Variants in ARHGAP24 observed in about 807,000 individuals in gnomAD.
The protein encoded by ARHGAP24 is Rho GTPase activating protein 24.
ARHGAP24 carries 50 observed loss-of-function variants against 76.4 expected under a neutral mutation model. The observed-to-expected ratio is 0.65, with a 90% confidence interval of 0.52 to 0.83. ARHGAP24 has a LOEUF of 0.83. Ranked by LOEUF, ARHGAP24 falls within the 40% of genes least tolerant of loss-of-function variation. The pLI, the probability that ARHGAP24 is intolerant of heterozygous loss-of-function variation, is 0.00. For missense variants in ARHGAP24, 930 were observed against 914.2 expected (o/e 1.02, Z -0.22); for synonymous variants, 345 against 323.3 (o/e 1.07, Z -0.72).
intron 1 of ARHGAP24, among the ~76,000 whole-genome samples, chr4:85,555,224 GT>G (rs761898265): frequency 7.9e-5 from 12 of 152,164 alleles, no homozygotes; most frequent in Non-Finnish European, 1.6e-4. Flanking sequence ...CAGAGTTCTT[GT>G]GCTGGTTCTT....
chr4:85,578,665 A>G (rs1256938992), intron 2 of ARHGAP24, among the ~76,000 whole-genome samples: 1 of 152,204 alleles, frequency 6.6e-6, no homozygotes, highest in Non-Finnish European at 1.5e-5. Flanking sequence ...GTTGTTAACA[A>G]TACATGAAAT....
intron 1 of ARHGAP24, among the ~76,000 whole-genome samples, chr4:85,562,022 G>A (rs1181734136): frequency 6.6e-6 from 1 of 152,294 alleles, no homozygotes; most frequent in Non-Finnish European, 1.5e-5. Context: ...GAATTGAATG[G>A]TGAGAAATTA....
intron 3 of ARHGAP24, among the ~76,000 whole-genome samples, chr4:85,738,095 A>G (rs1344008035): frequency 4.0e-5 from 6 of 151,860 alleles, no homozygotes; most frequent in Admixed American, 2.0e-4. Context: ...TAATTTTTGT[A>G]TTTTTAGTAG....
intron 2 of ARHGAP24, among the ~76,000 whole-genome samples, chr4:85,612,298 T>A (rs1005051537): frequency 6.8e-6 from 1 of 146,810 alleles, no homozygotes; most frequent in African/African-American, 2.4e-5. Context: ...GCGCCTGTAG[T>A]CCCAGCTACT....
intron 4 of ARHGAP24, chr4:85,930,973 T>G (rs770873001): frequency 2.5e-6 from 4 of 1,613,556 alleles, no homozygotes; most frequent in Middle Eastern, 1.6e-4. Context: ...GGCTGGTGCC[T>G]TAGCCTCAAC....
At chr4:85,626,827 T>C in intron 2 of ARHGAP24, among the ~76,000 whole-genome samples, 1 of 152,268 alleles carries the variant, frequency 6.6e-6, no homozygotes. Context: ...TCATTCTTTT[T>C]GTCTTCCATC....
chr4:85,901,669 T>C (rs1054331329), intron 3 of ARHGAP24, among the ~76,000 whole-genome samples: 5 of 152,198 alleles, frequency 3.3e-5, no homozygotes, highest in Non-Finnish European at 5.9e-5. Context: ...CTTCACCCTC[T>C]TTATTGTAAT....
chr4:85,787,446 C>T (rs1230436697), intron 3 of ARHGAP24, among the ~76,000 whole-genome samples: 2 of 152,108 alleles, frequency 1.3e-5, no homozygotes, highest in Non-Finnish European at 2.9e-5. Flanking sequence ...AGCTCGTGGT[C>T]TACCTCCTTG....
chr4:85,946,768 T>C (rs988088380), intron 5 of ARHGAP24, among the ~76,000 whole-genome samples: 1 of 152,254 alleles, frequency 6.6e-6, no homozygotes, highest in African/African-American at 2.4e-5. Context: ...TCTTTACTAT[T>C]GTGAATAGCA....
At chr4:85,558,778 G>A (rs1268610727) in intron 1 of ARHGAP24, among the ~76,000 whole-genome samples, 1 of 152,226 alleles carries the variant, frequency 6.6e-6, no homozygotes, top group African/African-American at 2.4e-5. Flanking sequence ...AAATCATTAA[G>A]TACCTCGGGG....
chr4:85,668,213 A>G lies in ARHGAP24; in HGVS notation c.181-53672A>G, dbSNP rs150238356. ...TTCAGTGTTTTAGTTGGTTTACTCTAATACTATGTTCATACACTTTCAGCA... is the reference window on the plus strand; with the variant it reads ...TTCAGTGTTTTAGTTGGTTTACTCTGATACTATGTTCATACACTTTCAGCA... On this transcript the variant is annotated intron_variant, in intron 2 of 9. Transcript: ENST00000395184. Among the ~76,000 whole-genome samples the G allele has an allele frequency of 2.0e-4, 31 of 152,322 alleles. No homozygotes were observed. In the East Asian group the frequency reaches 6.0e-3, roughly 29 times the overall value.
At chr4:85,585,613 G>T (rs11945515) in intron 2 of ARHGAP24, among the ~76,000 whole-genome samples, 52,718 of 152,164 alleles carry the variant, frequency 0.35, 10,924 homozygotes, top group Non-Finnish European at 0.47. Flanking sequence ...TTCTGTCAAA[G>T]AATAAAATAA....
rs936365029 is a variant in ARHGAP24 at position 85,539,800 on chromosome 4, T to C, written c.-20-30722T>C. Among the ~76,000 whole-genome samples, 3 of 152,262 alleles carry C rather than the reference T, an allele frequency of 2.0e-5. No individual in the cohort carries two copies. The East Asian group carries it at 5.8e-4, about 29-fold the overall frequency. Reference sequence around the variant, plus strand: ...ATATGGAAAATAATGACTTTTAAAATGACCTTCACTTTGGGAGGCTGAGGT... The same window carrying C: ...ATATGGAAAATAATGACTTTTAAAACGACCTTCACTTTGGGAGGCTGAGGT... On this transcript the variant is annotated intron_variant, in intron 1 of 9. Coordinates refer to ENST00000395184, the MANE Select transcript of ARHGAP24 (RefSeq NM_001025616.3).
intron 2 of ARHGAP24, among the ~76,000 whole-genome samples, chr4:85,576,150 C>A (rs1039137011): frequency 6.6e-6 from 1 of 152,234 alleles, no homozygotes; most frequent in Admixed American, 6.5e-5. Flanking sequence ...AAGCTCTAGG[C>A]TGGGCGCAGT....
At chr4:85,777,702 T>G (rs1053766904) in intron 3 of ARHGAP24, among the ~76,000 whole-genome samples, 18 of 152,336 alleles carry the variant, frequency 1.2e-4, no homozygotes, top group African/African-American at 3.6e-4. Context: ...AGGAAGCTAT[T>G]GCTTGTCTGT....
At chr4:85,924,978 C>T (rs926716576) in intron 4 of ARHGAP24, among the ~76,000 whole-genome samples, 2 of 152,146 alleles carry the variant, frequency 1.3e-5, no homozygotes, top group Non-Finnish European at 1.5e-5. Flanking sequence ...GTTTGGATGA[C>T]AACACATACG....
chr4:85,690,210 T>G (rs3971933), intron 2 of ARHGAP24, among the ~76,000 whole-genome samples: 61,987 of 130,436 alleles, frequency 0.48, 15,233 homozygotes, highest in East Asian at 0.72. Context: ...ATTGATATTC[T>G]TCAGAGATAT....
intron 3 of ARHGAP24, among the ~76,000 whole-genome samples, chr4:85,893,921 G>C: frequency 7.8e-6 from 1 of 128,720 alleles, no homozygotes; most frequent in Non-Finnish European, 1.6e-5. Context: ...GACACAGGAA[G>C]GGGAATATCA....
intron 1 of ARHGAP24, among the ~76,000 whole-genome samples, chr4:85,482,671 A>C (rs1268101203): frequency 1.3e-5 from 2 of 152,236 alleles, no homozygotes; most frequent in Non-Finnish European, 2.9e-5. Flanking sequence ...TTGATGTGAC[A>C]ATTAAGAATG....
Sources: allele counts gnomAD v4.1 joint callset (sites outside exome capture counted in the v4.1 genomes callset), GRCh38; gene constraint gnomAD v4.1.1; transcripts MANE v1.5; gene names NCBI Gene and HGNC (gene_info 2026-07-23, HGNC 2026-07-21).